RSPH14: variants seen among roughly 807,000 people sequenced by gnomAD.
RSPH14 encodes the protein rhabdoid tumor deletion region gene 1.
In RSPH14, 20 loss-of-function variants were observed where a neutral mutation model predicts 26.7. The observed-to-expected ratio is 0.75, with a 90% CI of 0.53 to 1.09. The LOEUF is 1.09. RSPH14 is among the 50% of genes least tolerant of loss of function. The probability of loss-of-function intolerance (pLI) is 0.00; values close to 1 mark genes in which losing one functional copy is unlikely to be tolerated. For missense variants in RSPH14, 449 were observed against 457.2 expected (o/e 0.98, Z 0.16); for synonymous variants, 177 against 189.3 (o/e 0.93, Z 0.53).
upstream of RSPH14, chr22:23,145,644 G>A (rs2070721536): frequency 7.3e-7 from 1 of 1,362,040 alleles, no homozygotes; most frequent in South Asian, 1.3e-5. Flanking sequence ...CACAGCGTCC[G>A]CGCCCACTTC....
At chr22:23,096,541 T>C in intron 4 of RSPH14, 1 of 1,021,404 alleles carries the variant, frequency 9.8e-7, no homozygotes, top group South Asian at 1.6e-5. Context: ...GGCCTGGCCC[T>C]GCTGCACGAT....
chr22:23,164,578 A>G, the RSPH14 span, among the ~76,000 whole-genome samples: 4 of 152,082 alleles, frequency 2.6e-5, no homozygotes, highest in African/African-American at 9.7e-5. Flanking sequence ...CTTCTTTCCC[A>G]GCATCGGGCA....
At chr22:23,105,030 C>T (rs2069422268) in intron 4 of RSPH14, among the ~76,000 whole-genome samples, 2 of 152,254 alleles carry the variant, frequency 1.3e-5, no homozygotes, top group Admixed American at 1.3e-4. Flanking sequence ...ACCCTAATCC[C>T]TGCTTCATCA....
chr22:23,110,987 A>G (rs914822634), intron 4 of RSPH14, among the ~76,000 whole-genome samples: 2 of 152,174 alleles, frequency 1.3e-5, no homozygotes, highest in African/African-American at 4.8e-5. Flanking sequence ...TGCTGGGTGA[A>G]CCAAGCACAG....
At chr22:23,159,159 C>T in the RSPH14 span, 75 of 1,611,014 alleles carry the variant, frequency 4.7e-5, no homozygotes, top group African/African-American at 8.9e-4. Flanking sequence ...GCCATTTCTC[C>T]CAGTCAGGGG....
chr22:23,078,476 C>T (rs76076537), intron 4 of RSPH14, among the ~76,000 whole-genome samples: 5,838 of 148,670 alleles, frequency 0.039, 371 homozygotes, highest in African/African-American at 0.13. Context: ...CTCCTGGCCA[C>T]ACTGACACCC....
chr22:23,068,553 C>G (rs1246408322), intron 4 of RSPH14, among the ~76,000 whole-genome samples: 4 of 152,204 alleles, frequency 2.6e-5, no homozygotes, highest in Non-Finnish European at 4.4e-5. Flanking sequence ...GAGGTCAAGT[C>G]AGGGAGGTGT....
At chr22:23,140,817 G>C (rs1394840864) in intron 1 of RSPH14, among the ~76,000 whole-genome samples, 2 of 152,202 alleles carry the variant, frequency 1.3e-5, no homozygotes, top group Non-Finnish European at 1.5e-5. Context: ...CCTTGTGCCA[G>C]CAATAAGTAG....
intron 4 of RSPH14, among the ~76,000 whole-genome samples, chr22:23,109,575 C>T (rs1285102074): frequency 6.6e-6 from 1 of 152,124 alleles, no homozygotes; most frequent in Non-Finnish European, 1.5e-5. Context: ...GGAGGATGAA[C>T]CAGTGTGGAG....
chr22:23,092,272 A>C (rs1370434667), intron 4 of RSPH14, among the ~76,000 whole-genome samples: 4 of 152,208 alleles, frequency 2.6e-5, no homozygotes, highest in African/African-American at 9.7e-5. Context: ...CAAGCCTCAG[A>C]ATAGGTGGGA....
chr22:23,119,891 T>C (rs1439171211), intron 4 of RSPH14, among the ~76,000 whole-genome samples: 1 of 152,238 alleles, frequency 6.6e-6, no homozygotes, highest in Non-Finnish European at 1.5e-5. Flanking sequence ...ATCTCCTCGG[T>C]GCCCACTAAA....
At chr22:23,125,096 G>A (rs2070145776) in intron 4 of RSPH14, 1 of 152,196 alleles carries the variant, frequency 6.6e-6, no homozygotes, top group African/African-American at 2.4e-5. Flanking sequence ...GTGCCATCTG[G>A]AAGGGCAGCC....
intron 4 of RSPH14, among the ~76,000 whole-genome samples, chr22:23,110,112 G>C (rs573149603): frequency 2.6e-4 from 39 of 152,344 alleles, no homozygotes; most frequent in African/African-American, 7.9e-4. Flanking sequence ...CCTGAGGCTA[G>C]TAGCAGTGGG....
intron 4 of RSPH14, among the ~76,000 whole-genome samples, chr22:23,066,281 A>G (rs181806834): frequency 6.6e-6 from 1 of 152,252 alleles, no homozygotes; most frequent in East Asian, 1.9e-4. Context: ...CTGAGTCAGG[A>G]TGGGCACAAG....
the RSPH14 span, among the ~76,000 whole-genome samples, chr22:23,179,161 T>C: frequency 2.0e-3 from 307 of 152,318 alleles, 1 homozygote; most frequent in African/African-American, 4.9e-3. Context: ...TCAAAGTATC[T>C]GCTCCAGATG....
At chr22:23,117,559 G>A (rs1216031778) in intron 4 of RSPH14, among the ~76,000 whole-genome samples, 1 of 152,218 alleles carries the variant, frequency 6.6e-6, no homozygotes, top group Non-Finnish European at 1.5e-5. Flanking sequence ...ATGAGACCTC[G>A]CAGGTGAGAG....
the RSPH14 span, chr22:23,152,404 T>C: frequency 4.5e-5 from 71 of 1,570,544 alleles, no homozygotes; most frequent in African/African-American, 9.0e-4. Flanking sequence ...GGGCTGTGAG[T>C]GTCTGAAGAC....
chr22:23,082,614 G>A (rs1339740596), intron 4 of RSPH14, among the ~76,000 whole-genome samples: 1 of 152,118 alleles, frequency 6.6e-6, no homozygotes, highest in Non-Finnish European at 1.5e-5. Context: ...ACAGAGCCAA[G>A]GCCACAGGGG....
intron 5 of RSPH14, among the ~76,000 whole-genome samples, chr22:23,062,817 A>G (rs1035942999): frequency 5.3e-5 from 8 of 152,166 alleles, no homozygotes; most frequent in African/African-American, 1.9e-4. Flanking sequence ...CTGAGACAAG[A>G]GCGATGCAGG....
Sources: allele counts gnomAD v4.1 joint callset (sites outside exome capture counted in the v4.1 genomes callset), GRCh38; gene constraint gnomAD v4.1.1; transcripts MANE v1.5; gene names NCBI Gene and HGNC (gene_info 2026-07-23, HGNC 2026-07-21).